DHX29: variants seen among roughly 807,000 people sequenced by gnomAD.
The protein encoded by DHX29 is ATP-dependent RNA helicase DHX29.
In DHX29, 79 loss-of-function variants were observed where a neutral mutation model predicts 167.9. The observed-to-expected ratio is 0.47, with a 90% confidence interval of 0.39 to 0.57. The LOEUF (loss-of-function observed/expected upper bound fraction) is 0.57. DHX29 is among the 20% of genes least tolerant of loss of function. DHX29 has a pLI of 0.00. For missense variants in DHX29, 1,347 were observed against 1,593.4 expected, an observed-to-expected ratio of 0.85 and a Z score of 2.63; for synonymous variants, 530 against 546.0, an observed-to-expected ratio of 0.97 and a Z score of 0.41.
intron 18 of DHX29, 113 bp from the exon 19 acceptor site, chr5:55,270,819 T>C: frequency 5.4e-6 from 4 of 737,880 alleles, no homozygotes; most frequent in African/African-American, 1.8e-5. Flanking sequence ...AAATCCATTA[T>C]TGTGGACCAA....
intron 6 of DHX29, among the ~76,000 whole-genome samples, chr5:55,293,440 C>G (rs1748149662): frequency 6.6e-6 from 1 of 152,154 alleles, no homozygotes; most frequent in African/African-American, 2.4e-5. Flanking sequence ...ACATTCCTCC[C>G]AACATTTAGT....
Position 55,281,530 on chromosome 5 carries a change from TA to T in DHX29, c.1966-16del. 1.9e-6 allele frequency: 3 copies of T among 1,550,440 alleles called. No homozygotes were observed. Among genetic ancestry groups the T allele is most frequent in the Admixed American group, 3.9e-5 (2 of 51,392 alleles). ...CACAAGGAATTCTAAAGGGAGAACA[TA>T]AGGCCTTGATTAGATTCTCATGAGT... On this transcript the variant is annotated splice_polypyrimidine_tract_variant and intron_variant, in intron 11 of 26. Coordinates refer to ENST00000251636, the MANE Select transcript of DHX29 (RefSeq NM_019030.4).
chr5:55,280,473 T>A (rs573473357), intron 12 of DHX29, among the ~76,000 whole-genome samples: 7 of 152,170 alleles, frequency 4.6e-5, no homozygotes, highest in Admixed American at 3.3e-4. Flanking sequence ...GAAAAAAAAA[T>A]TAGCATTTTG....
In DHX29 at chr5:55,273,351, A is replaced by G. The variant is rs1324279357; in HGVS notation, c.2717T>C (p.Ile906Thr). ...ERYKVIALHS[I>T]LSTQDQAAAF... Reference sequence around the variant, plus strand: ...TGCAGCTTGATCTTGGGTTGAAAGAATAGAATGCAGAGCTATCACTTTATA... The same window carrying G: ...TGCAGCTTGATCTTGGGTTGAAAGAGTAGAATGCAGAGCTATCACTTTATA... The change falls in exon 17 of 27, where the codon ATT becomes ACT. Residue 906 changes from isoleucine to threonine, a missense_variant. Physicochemically the swap from Ile to Thr is moderately conservative, Grantham distance 89. Coordinates refer to ENST00000251636, the MANE Select transcript of DHX29 (RefSeq NM_019030.4). The G allele has an allele frequency of 1.3e-6, 2 of 1,592,208 alleles. No individual in the cohort carries two copies. The highest frequency in any genetic ancestry group is 1.3e-5 in the African/African-American group (1 of 74,766).
In DHX29 at chr5:55,277,119, C is replaced by A. The variant is rs1329477487; in HGVS notation, c.2273G>T (p.Ser758Ile). The change falls in exon 13 of 27, where the codon AGT becomes ATT. Residue 758 changes from serine to isoleucine, a missense_variant. Ser to Ile is a moderately radical substitution (Grantham distance 142). Transcript: ENST00000251636. ...AAGAAAACTTACCTCAACAGGATAA[C>A]TTCTTCCTGAAATTCTGAGAATGGG... ...HCPILRISGR[S>I]YPVEVFHLED... The A allele has an allele frequency of 1.2e-6, 2 of 1,609,360 alleles. No individual in the cohort carries two copies. The highest frequency in any genetic ancestry group is 1.7e-4 in the Middle Eastern group (1 of 5,730).
chr5:55,272,316 A>G (rs1746893083), intron 17 of DHX29, 141 bp from the exon 18 acceptor site: 1 of 603,264 alleles, frequency 1.7e-6, no homozygotes, highest in South Asian at 2.2e-5. Flanking sequence ...ATTTGCTATT[A>G]CTGTGTAATT....
intron 3 of DHX29, 146 bp downstream of exon 3, chr5:55,297,139 G>T (rs1748365027): frequency 1.7e-6 from 1 of 587,848 alleles, no homozygotes; most frequent in Admixed American, 3.2e-5. Flanking sequence ...GATTTAAGGT[G>T]TGCACAATTC....
intron 1 of DHX29, among the ~76,000 whole-genome samples, chr5:55,301,059 G>A (rs1416858101): frequency 6.6e-6 from 1 of 152,092 alleles, no homozygotes; most frequent in Non-Finnish European, 1.5e-5. Flanking sequence ...ATTTTATAAG[G>A]ACACTAATCC....
intron 3 of DHX29, 102 bp downstream of exon 3, chr5:55,297,183 T>C (rs949402557): frequency 1.9e-5 from 12 of 630,502 alleles, no homozygotes; most frequent in Non-Finnish European, 3.1e-5. Flanking sequence ...ATGATCTACA[T>C]AAAATCTCAA....
At chr5:55,277,905 C>CAAAAAAAA (rs753851538) in intron 12 of DHX29, among the ~76,000 whole-genome samples, 1 of 62,158 alleles carries the variant, frequency 1.6e-5, no homozygotes, top group African/African-American at 5.4e-5. Flanking sequence ...GACTCTATCT[C>CAAAAAAAA]AAAAAAAAAA....
Position 55,283,497 on chromosome 5 carries a change from T to C in DHX29, c.1671A>G (p.Gln557=). Residue 557 remains glutamine, a synonymous_variant, in exon 11 of 27, where the codon CAA becomes CAG. Coordinates refer to ENST00000251636, the MANE Select transcript of DHX29 (RefSeq NM_019030.4). ...EPVRNLFRKL[Q]STPKYQKLLK... Reference sequence around the variant, plus strand: ...GAAGTTTCTGATACTTAGGTGTGCTTTGCAACTTTCTAAAGAGGTTTCTAA... The same window carrying C: ...GAAGTTTCTGATACTTAGGTGTGCTCTGCAACTTTCTAAAGAGGTTTCTAA... 3.1e-6 allele frequency: 5 copies of C among 1,614,218 alleles called. No individual in the cohort carries two copies. Among genetic ancestry groups the C allele is most frequent in the African/African-American group, 1.3e-5 (1 of 75,064 alleles).
chr5:55,283,942 ATG>A (rs1381816517), intron 10 of DHX29, 131 bp from the exon 11 acceptor site: 1 of 619,756 alleles, frequency 1.6e-6, no homozygotes, highest in Admixed American at 3.5e-5. Context: ...ACTTTAATAT[ATG>A]TATGTGTATG....
chr5:55,295,337 T>C (rs745762521), intron 5 of DHX29, 42 bp downstream of exon 5: 1 of 1,462,486 alleles, frequency 6.8e-7, no homozygotes, highest in South Asian at 1.1e-5. Flanking sequence ...ATGTGCTCCA[T>C]TCTGATTTTA....
chr5:55,280,810 C>T (rs766286844), intron 12 of DHX29, among the ~76,000 whole-genome samples: 1 of 152,126 alleles, frequency 6.6e-6, no homozygotes. Flanking sequence ...CCTAGATTAT[C>T]GTTCCCCTTA....
At chr5:55,285,477 C>A in intron 9 of DHX29, 61 bp from the exon 10 acceptor site, 1 of 1,490,656 alleles carries the variant, frequency 6.7e-7, no homozygotes, top group South Asian at 1.3e-5. Flanking sequence ...AAAAAAAACT[C>A]AGAATTCCAT....
chr5:55,257,278 T>G (rs1746098898), intron 26 of DHX29, among the ~76,000 whole-genome samples: 1 of 152,198 alleles, frequency 6.6e-6, no homozygotes, highest in Non-Finnish European at 1.5e-5. Context: ...ATTCTACATT[T>G]ACGTTAGATA....
chr5:55,260,861 A>G (rs1746280237), intron 25 of DHX29, among the ~76,000 whole-genome samples: 1 of 152,266 alleles, frequency 6.6e-6, no homozygotes, highest in South Asian at 2.1e-4. Flanking sequence ...AGAAGAATTC[A>G]ACAGTATGAA....
chr5:55,267,404 TTACAGCATTGA>T (rs1483633942), intron 22 of DHX29, among the ~76,000 whole-genome samples, 173 bp from the exon 23 acceptor site: 5 of 152,158 alleles, frequency 3.3e-5, no homozygotes, highest in African/African-American at 1.2e-4. Context: ...ACAGATCTGT[TTACAGCATTGA>T]CAGATATTTT....
chr5:55,302,092 T>C (rs1225469085), intron 1 of DHX29, among the ~76,000 whole-genome samples: 3 of 152,190 alleles, frequency 2.0e-5, no homozygotes, highest in East Asian at 3.8e-4. Context: ...ACAAGTCTGG[T>C]ATAGTATTGT....
Sources: allele counts gnomAD v4.1 joint callset (sites outside exome capture counted in the v4.1 genomes callset), GRCh38; gene constraint gnomAD v4.1.1; transcripts MANE v1.5; gene names NCBI Gene and HGNC (gene_info 2026-07-23, HGNC 2026-07-21).